LIN54: variants seen among roughly 807,000 people sequenced by gnomAD.
LIN54 encodes the protein lin-54 DREAM MuvB core complex component.
Under a neutral mutation model 78.7 loss-of-function variants are expected in LIN54, and 9 were observed. That is an observed-to-expected ratio of 0.11 (90% CI 0.07 to 0.20). LIN54 has a LOEUF of 0.20. Ranked by LOEUF, LIN54 falls within the 10% of genes least tolerant of loss-of-function variation. The pLI is 1.00. For synonymous variants in LIN54, 269 were observed against 318.4 expected (o/e 0.84, Z 1.65); for missense variants, 573 against 889.9 (o/e 0.64, Z 4.53).
chr4:82,985,545 A>G (rs541936291), intron 1 of LIN54, among the ~76,000 whole-genome samples: 1 of 151,996 alleles, frequency 6.6e-6, no homozygotes, highest in Non-Finnish European at 1.5e-5. Context: ...TACTTACTTA[A>G]TTAATTAATT....
intron 1 of LIN54, among the ~76,000 whole-genome samples, chr4:83,002,489 G>A (rs1030029312): frequency 6.6e-6 from 1 of 151,522 alleles, no homozygotes; most frequent in Admixed American, 6.6e-5. Context: ...GAGGGAGGGA[G>A]GCAGGGGAAA....
chr4:82,996,150 G>A (rs1241465917), intron 1 of LIN54, among the ~76,000 whole-genome samples: 2 of 151,926 alleles, frequency 1.3e-5, no homozygotes, highest in African/African-American at 4.8e-5. Context: ...GAAGGACTGG[G>A]CATGGCAGGA....
upstream of LIN54, chr4:83,011,973 G>C: frequency 1.0e-6 from 1 of 953,242 alleles, no homozygotes; most frequent in Non-Finnish European, 1.2e-6. Flanking sequence ...AGTGTAGGAA[G>C]AGTAAGGTTG....
intron 4 of LIN54, among the ~76,000 whole-genome samples, chr4:82,948,221 A>G (rs1158368917): frequency 1.3e-5 from 2 of 152,232 alleles, no homozygotes; most frequent in Non-Finnish European, 2.9e-5. Context: ...CACTAAGTAC[A>G]TTAGGAAACA....
chr4:82,938,552 A>G (rs1722586923), intron 7 of LIN54, 48 bp from the exon 8 acceptor site: 3 of 1,018,820 alleles, frequency 2.9e-6, no homozygotes, highest in Non-Finnish European at 4.6e-6. Flanking sequence ...AAAAATGGAC[A>G]ATACTGTCAG....
chr4:82,934,364 C>T (rs941684384), intron 11 of LIN54, among the ~76,000 whole-genome samples: 1 of 152,192 alleles, frequency 6.6e-6, no homozygotes, highest in Non-Finnish European at 1.5e-5. Flanking sequence ...CAAGATCGCA[C>T]CACTGCACTC....
At chr4:82,989,300 G>A (rs2126092952) in intron 1 of LIN54, among the ~76,000 whole-genome samples, 1 of 152,088 alleles carries the variant, frequency 6.6e-6, no homozygotes, top group Middle Eastern at 3.4e-3. Context: ...CTAGGGTTTT[G>A]GGACACCAAA....
intron 3 of LIN54, among the ~76,000 whole-genome samples, chr4:82,972,105 A>C (rs1314833454): frequency 6.6e-6 from 1 of 152,190 alleles, no homozygotes; most frequent in Admixed American, 6.6e-5. Flanking sequence ...CCCAGGCTAG[A>C]ATGCAGTGGC....
At chr4:82,956,216 G>A (rs1454150223) in intron 4 of LIN54, among the ~76,000 whole-genome samples, 1 of 152,084 alleles carries the variant, frequency 6.6e-6, no homozygotes, top group East Asian at 1.9e-4. Context: ...CTCCCAAAGT[G>A]CTGGGATTAC....
At position 82,925,442 on chromosome 4, in the gene LIN54, C is replaced by G. The variant is rs1453160186; in HGVS notation, c.*2660G>C. ...AACTCCTGGACTCAAGTGATTCACC[C>G]GCCTTGACCTCCCAAAGTGCTGGAA... On this transcript the variant is annotated 3_prime_UTR_variant, in exon 13 of 13. Coordinates refer to ENST00000340417, the MANE Select transcript of LIN54 (RefSeq NM_194282.4). 6.6e-6 allele frequency: 1 copy of G among 152,462 alleles called. No individual in the cohort carries two copies. Among genetic ancestry groups the G allele is most frequent in the African/African-American group, 2.4e-5 (1 of 41,562 alleles). The allele number at this position is 152,462 out of a possible 1,614,324, so 9.4% of individuals were successfully genotyped here.
At chr4:82,987,038 C>T (rs764851335) in intron 1 of LIN54, among the ~76,000 whole-genome samples, 4 of 152,184 alleles carry the variant, frequency 2.6e-5, no homozygotes, top group Non-Finnish European at 5.9e-5. Context: ...TACCTGTAAT[C>T]CCAGCACTTT....
intron 12 of LIN54, among the ~76,000 whole-genome samples, chr4:82,929,346 T>C (rs1721754960): frequency 6.6e-6 from 1 of 152,156 alleles, no homozygotes; most frequent in African/African-American, 2.4e-5. Context: ...ATTATAAATA[T>C]TTTACTGTAG....
rs137937211 is a variant in LIN54, at chr4:82,959,037, C to T, written c.951+11290G>A. ...GTTTTTAAAAATAAAATAAACCATT[C>T]TCTAATAGTCAGAAATTTGTATTTT... is the stretch of plus-strand genomic sequence containing the variant. On this transcript the variant is annotated intron_variant, in intron 4 of 12. Transcript: ENST00000340417. 4.3e-3 allele frequency among the ~76,000 whole-genome samples: 647 copies of T among 152,016 alleles called. 9 individuals carry two copies. The highest frequency in any genetic ancestry group is 0.014 in the African/African-American group (593 of 41,538).
In LIN54 at chr4:82,982,601, A is replaced by G. The variant is rs1726769438; in HGVS notation, c.684+1560T>C. On this transcript the variant is annotated intron_variant, in intron 2 of 12. Coordinates refer to ENST00000340417, the MANE Select transcript of LIN54 (RefSeq NM_194282.4). The stretch of plus-strand genomic sequence containing the variant: ...AATAAACTTTGGTAAACCAATAAAA[A>G]CAAGCTTCAAAACTGAGGACAAGAT... Among the ~76,000 whole-genome samples the G allele has an allele frequency of 2.6e-5, 4 of 152,154 alleles. No individual in the cohort carries two copies. The South Asian group carries it at 8.3e-4, about 31-fold the overall frequency.
At chr4:82,963,720 G>A (rs377694096) in intron 4 of LIN54, among the ~76,000 whole-genome samples, 9 of 151,738 alleles carry the variant, frequency 5.9e-5, no homozygotes, top group Admixed American at 2.0e-4. Flanking sequence ...CAAGCCAAAC[G>A]TGGAGATAAA....
intron 2 of LIN54, among the ~76,000 whole-genome samples, chr4:82,980,626 T>C (rs1462123168): frequency 6.6e-6 from 1 of 152,016 alleles, no homozygotes; most frequent in Non-Finnish European, 1.5e-5. Flanking sequence ...AACTATAACA[T>C]ACTCAAATAA....
chr4:82,935,109 C>A (rs1324603326), intron 11 of LIN54, among the ~76,000 whole-genome samples: 1 of 152,002 alleles, frequency 6.6e-6, no homozygotes, highest in African/African-American at 2.4e-5. Context: ...GCCAGATCCC[C>A]CTTTCCTATT....
chr4:82,990,197 C>T (rs779339091), intron 1 of LIN54, among the ~76,000 whole-genome samples: 6 of 152,198 alleles, frequency 3.9e-5, no homozygotes, highest in African/African-American at 1.4e-4. Flanking sequence ...ATCCTCATGG[C>T]CAAAACTATC....
At chr4:82,985,529 T>TTTAC (rs1361996218) in intron 1 of LIN54, among the ~76,000 whole-genome samples, 2 of 152,220 alleles carry the variant, frequency 1.3e-5, no homozygotes, top group Non-Finnish European at 2.9e-5. Context: ...TCCTTGGCCA[T>TTTAC]TTACTTACTT....
Sources: gnomAD v4.1 joint callset for allele counts (sites outside exome capture counted in the v4.1 genomes callset) on GRCh38, gnomAD v4.1.1 for gene constraint, MANE v1.5 for transcripts, NCBI Gene and HGNC (gene_info 2026-07-23, HGNC 2026-07-21) for gene names.